FZD1: variants seen among roughly 807,000 people sequenced by gnomAD.
The protein encoded by FZD1 is frizzled class receptor 1.
In FZD1, 22 loss-of-function variants were observed where a neutral mutation model predicts 48.0. The ratio of observed to expected loss-of-function variants is 0.46; its 90% CI spans 0.33 to 0.65. The LOEUF (loss-of-function observed/expected upper bound fraction) is 0.65. Among genes scored for constraint, FZD1 ranks in the 30% least tolerant of loss-of-function variants. The probability of loss-of-function intolerance (pLI) is 0.02; values close to 1 mark genes in which losing one functional copy is unlikely to be tolerated. For missense variants in FZD1, 843 were observed against 898.1 expected (o/e 0.94, Z 0.78); for synonymous variants, 486 against 409.6 (o/e 1.19, Z -2.25).
At position 91,265,423 on chromosome 7, in the gene FZD1, G is replaced by A; in HGVS notation, c.543G>A (p.Glu181=). Residue 181 remains glutamate (E), a synonymous_variant, in exon 1 of 1, where the codon GAG becomes GAA. Transcript: ENST00000287934. This position sits in a 1 kb window ranked among gnomAD's most constrained non-coding sequence, Gnocchi z 6.9. ...ACGCGCCCGTGTGCACCGTGCTAGA[G>A]CAGGCGCTGCCGCCCTGCCGCTCCC... ...SMYAPVCTVL[E]QALPPCRSLC... is the part of the protein sequence containing the mutation. 6.2e-7 allele frequency: 1 copy of A among 1,613,674 alleles called. No individual in the cohort carries two copies. The highest frequency in any genetic ancestry group is 2.2e-5 in the East Asian group (1 of 44,846).
In FZD1 at chr7:91,264,778, GA is replaced by G; in HGVS notation, c.-102del. The stretch of plus-strand genomic sequence containing the variant: ...GGCCGAAAGCGGCTTGGGCTCGACG[GA>G]GGGCACCCGCGCAGAGGTCTCCCTG... On this transcript the variant is annotated 5_prime_UTR_variant, in exon 1 of 1. Transcript: ENST00000287934. 1.4e-6 allele frequency: 1 copy of G among 728,842 alleles called. No individual in the cohort carries two copies. Among genetic ancestry groups the G allele is most frequent in the Non-Finnish European group, 1.9e-6 (1 of 526,720 alleles). The allele number at this position is 728,842 out of a possible 1,614,324, so 45.1% of individuals were successfully genotyped here.
At position 91,265,575 on chromosome 7, in the gene FZD1, C is replaced by A. The variant is rs758313232; in HGVS notation, c.695C>A (p.Thr232Lys). The A allele has an allele frequency of 5.6e-6, 9 of 1,609,964 alleles. No homozygotes were observed. Among genetic ancestry groups the A allele is most frequent in the Non-Finnish European group, 7.6e-6 (9 of 1,179,556 alleles). The stretch of plus-strand genomic sequence containing the variant: ...GGCGAGCTGTGCGTGGGCCAGAACA[C>A]GTCCGACAAGGGCACCCCGACGCCC... ...GAGELCVGQN[T>K]SDKGTPTPSL... is the part of the protein sequence containing the mutation. Residue 232 changes from threonine to lysine, a missense_variant, in exon 1 of 1, where the codon ACG becomes AAG. Thr to Lys is a moderately conservative substitution (Grantham distance 78). Transcript: ENST00000287934. The surrounding 1 kb of genome is among the most constrained non-coding windows in gnomAD (Gnocchi z 6.9).
chr7:91,265,797 A>G lies in FZD1; in HGVS notation c.917A>G (p.Tyr306Cys), dbSNP rs1223388464. The G allele has an allele frequency of 1.2e-6, 2 of 1,613,330 alleles. No individual in the cohort carries two copies. Among genetic ancestry groups the G allele is most frequent in the East Asian group, 2.2e-5 (1 of 44,838 alleles). Residue 306 changes from tyrosine to cysteine, a missense_variant, in exon 1 of 1, where the codon TAT becomes TGT. Around this residue, in one of 2 missense-constraint regions of FZD1, gnomAD observed 490 missense variants for 466.5 expected, o/e 1.05. Coordinates refer to ENST00000287934, the MANE Select transcript of FZD1 (RefSeq NM_003505.2). The surrounding 1 kb of genome is among the most constrained non-coding windows in gnomAD (Gnocchi z 6.9). ...GCACCTTGTGAGCCGACCAAGGTGT[A>G]TGGGCTCATGTACTTCGGGCCCGAG... The part of the protein sequence containing the change: ...CGAPCEPTKV[Y>C]GLMYFGPEEL...
At position 91,267,049 on chromosome 7, in the gene FZD1, C is replaced by T. The variant is rs1803896438; in HGVS notation, c.*225C>T. 3 of 516,992 alleles carry T rather than the reference C, an allele frequency of 5.8e-6. No individual in the cohort carries two copies. Among genetic ancestry groups the T allele is most frequent in the Non-Finnish European group, 1.1e-5 (3 of 283,718 alleles). 32.0% of individuals were successfully genotyped at this position (516,992 alleles called of 1,614,324 possible). ...AGGGAGGATGGACAGACCTCTTGCC[C>T]TCACACTCTGGTACCAGGACTGTTC... On this transcript the variant is annotated 3_prime_UTR_variant, in exon 1 of 1. Transcript: ENST00000287934.
In FZD1 at chr7:91,266,368, C is replaced by A; in HGVS notation, c.1488C>A (p.Phe496Leu). The A allele has an allele frequency of 6.2e-7, 1 of 1,614,154 alleles. No individual in the cohort carries two copies. Among genetic ancestry groups the A allele is most frequent in the South Asian group, 1.1e-5 (1 of 91,090 alleles). ...GTGGCTTCGTGCTGGCGCCCCTCTT[C>A]GTGTACCTGTTTATCGGCACGTCCT... Reference protein sequence around the residue: ...ALRGFVLAPLFVYLFIGTSFL... With the variant: ...ALRGFVLAPLLVYLFIGTSFL... Residue 496 changes from phenylalanine to leucine, a missense_variant, in exon 1 of 1, where the codon TTC becomes TTA. Physicochemically the swap from Phe to Leu is conservative, Grantham distance 22 (BLOSUM62 0). This residue lies in a region of FZD1 where 353 missense variants were observed against 431.6 expected (regional missense o/e 0.82). Transcript: ENST00000287934. The surrounding 1 kb of genome is among the most constrained non-coding windows in gnomAD (Gnocchi z 6.8).
rs745960435 is a variant in FZD1 at position 91,268,481 on chromosome 7, G to A, written c.*1657G>A. On this transcript the variant is annotated 3_prime_UTR_variant, in exon 1 of 1. Coordinates refer to ENST00000287934, the MANE Select transcript of FZD1 (RefSeq NM_003505.2). ...GTTCTCTGTGAAGAAGAGGAGAAAAGCAATCCTCCTGATTGTATTGTTTTA... is the reference window on the plus strand; with the variant it reads ...GTTCTCTGTGAAGAAGAGGAGAAAAACAATCCTCCTGATTGTATTGTTTTA... The A allele has an allele frequency of 3.6e-5, 6 of 166,984 alleles. No individual in the cohort carries two copies. Among genetic ancestry groups the A allele is most frequent in the Non-Finnish European group, 8.8e-5 (6 of 68,100 alleles). The allele number at this position is 166,984 out of a possible 1,614,324, so 10.3% of individuals were successfully genotyped here. A position where few individuals can be genotyped will look rare whatever the true frequency, so the allele number is the denominator to read the frequency against.
Position 91,268,640 on chromosome 7 carries a change from A to G in FZD1, c.*1816A>G, listed in dbSNP as rs1416203118. 1 of 166,512 alleles carries G rather than the reference A, an allele frequency of 6.0e-6. No individual in the cohort carries two copies. The highest frequency in any genetic ancestry group is 1.5e-5 in the Non-Finnish European group (1 of 68,116). 10.3% of individuals were successfully genotyped at this position (166,512 alleles called of 1,614,324 possible). On this transcript the variant is annotated 3_prime_UTR_variant, in exon 1 of 1. Transcript: ENST00000287934. ...CACTATCACAAAATCATCTATATTT[A>G]TAGAGGAATAGAAGTTTATATATAT...
chr7:91,266,509 G>A lies in FZD1; in HGVS notation c.1629G>A (p.Leu543=). ...LMVRIGVFSV[L]YTVPATIVIA... ...TGCGCATTGGCGTCTTCAGCGTGCT[G>A]TACACTGTGCCAGCCACCATCGTCA... The change falls in exon 1 of 1, where the codon CTG becomes CTA. Residue 543 remains leucine (L), a synonymous_variant. Transcript: ENST00000287934. The surrounding 1 kb of genome is among the most constrained non-coding windows in gnomAD (Gnocchi z 6.8). The A allele has an allele frequency of 1.9e-6, 3 of 1,614,052 alleles. No homozygotes were observed. The South Asian group carries it at 3.3e-5, about 18-fold the overall frequency.
At position 91,264,987 on chromosome 7, in the gene FZD1, G is replaced by T; in HGVS notation, c.107G>T (p.Gly36Val). The change falls in exon 1 of 1, where the codon GGG becomes GTG. Residue 36 changes from glycine (G) to valine (V), a missense_variant. Around this residue, in one of 2 missense-constraint regions of FZD1, gnomAD observed 490 missense variants for 466.5 expected, o/e 1.05. Transcript: ENST00000287934. ...LSARLAEEGS[G>V]DAGGRRRPPV... The stretch of plus-strand genomic sequence containing the variant: ...GCCCGGCTGGCGGAGGAGGGCAGCG[G>T]GGACGCCGGTGGCCGCCGCCGCCCG... The T allele has an allele frequency of 7.2e-7, 1 of 1,398,412 alleles. No homozygotes were observed. Among genetic ancestry groups the T allele is most frequent in the Non-Finnish European group, 9.3e-7 (1 of 1,077,418 alleles). 86.6% of individuals were successfully genotyped at this position (1,398,412 alleles called of 1,614,324 possible).
chr7:91,265,213 G>C lies in FZD1; in HGVS notation c.333G>C (p.Pro111=), dbSNP rs150690083. Reference sequence around the variant, plus strand: ...ACGGCGAGCGGGGCATCTCCGTCCCGGACCACGGCTATTGCCAGCCCATCT... The same window carrying C: ...ACGGCGAGCGGGGCATCTCCGTCCCCGACCACGGCTATTGCCAGCCCATCT... ...QYNGERGISV[P]DHGYCQPISI... is the part of the protein sequence containing the mutation. The change falls in exon 1 of 1, where the codon CCG becomes CCC. Residue 111 remains proline, a synonymous_variant. Coordinates refer to ENST00000287934, the MANE Select transcript of FZD1 (RefSeq NM_003505.2). The surrounding 1 kb of genome is among the most constrained non-coding windows in gnomAD (Gnocchi z 6.9). 3,302 of 1,613,896 alleles carry C rather than the reference G, an allele frequency of 2.0e-3. 4 individuals carry two copies. The highest frequency in any genetic ancestry group is 2.6e-3 in the Non-Finnish European group (3,050 of 1,179,950).
In FZD1 at chr7:91,267,583, C is replaced by G. The variant is rs1225415623; in HGVS notation, c.*759C>G. 1.8e-5 allele frequency: 3 copies of G among 167,072 alleles called. No homozygotes were observed. Among genetic ancestry groups the G allele is most frequent in the Admixed American group, 6.5e-5 (1 of 15,292 alleles). The allele number at this position is 167,072 out of a possible 1,614,324, so 10.3% of individuals were successfully genotyped here. ...CGACTTCCTGAAGCTGGATTTTTAA[C>G]TGTCCAGAACTTTCCTCCAACTTCA... On this transcript the variant is annotated 3_prime_UTR_variant, in exon 1 of 1. Transcript: ENST00000287934.
chr7:91,265,061 C>T lies in FZD1; in HGVS notation c.181C>T (p.Leu61=). 1 of 1,383,260 alleles carries T rather than the reference C, an allele frequency of 7.2e-7. No individual in the cohort carries two copies. The highest frequency in any genetic ancestry group is 1.7e-5 in the South Asian group (1 of 60,484). The allele number at this position is 1,383,260 out of a possible 1,614,324, so 85.7% of individuals were successfully genotyped here. The part of the protein sequence containing the change: ...LARQLLLLLW[L]LEAPLLLGVR... ...GCGCCAGCTGCTGCTGCTGCTTTGG[C>T]TGCTGGAGGCTCCGCTGCTGCTGGG... The change falls in exon 1 of 1, where the codon CTG becomes TTG. Residue 61 remains leucine, a synonymous_variant. Transcript: ENST00000287934. The surrounding 1 kb of genome is among the most constrained non-coding windows in gnomAD (Gnocchi z 6.9).
rs375790061 is a variant in FZD1 at position 91,265,207 on chromosome 7, C to G, written c.327C>G (p.Ser109=). 6.2e-7 allele frequency: 1 copy of G among 1,613,700 alleles called. No homozygotes were observed. The highest frequency in any genetic ancestry group is 8.5e-7 in the Non-Finnish European group (1 of 1,179,946). ...GQQYNGERGI[S]VPDHGYCQPI... ...AGTACAACGGCGAGCGGGGCATCTC[C>G]GTCCCGGACCACGGCTATTGCCAGC... Residue 109 remains serine, a synonymous_variant, in exon 1 of 1, where the codon TCC becomes TCG. Transcript: ENST00000287934. This position sits in a 1 kb window ranked among gnomAD's most constrained non-coding sequence, Gnocchi z 6.9.
In FZD1 at chr7:91,264,773, C is replaced by T; in HGVS notation, c.-108C>T. On this transcript the variant is annotated 5_prime_UTR_variant, in exon 1 of 1. Coordinates refer to ENST00000287934, the MANE Select transcript of FZD1 (RefSeq NM_003505.2). The stretch of plus-strand genomic sequence containing the variant: ...GAGCGGGCCGAAAGCGGCTTGGGCT[C>T]GACGGAGGGCACCCGCGCAGAGGTC... The T allele has an allele frequency of 2.9e-6, 2 of 687,488 alleles. No homozygotes were observed. The highest frequency in any genetic ancestry group is 3.5e-5 in the East Asian group (1 of 28,856). The allele number at this position is 687,488 out of a possible 1,614,324, so 42.6% of individuals were successfully genotyped here. A position where few individuals can be genotyped will look rare whatever the true frequency, so the allele number is the denominator to read the frequency against.
At position 91,266,945 on chromosome 7, in the gene FZD1, C is replaced by T; in HGVS notation, c.*121C>T. The T allele has an allele frequency of 1.5e-6, 1 of 685,302 alleles. No homozygotes were observed. Among genetic ancestry groups the T allele is most frequent in the Non-Finnish European group, 2.6e-6 (1 of 391,292 alleles). 42.5% of individuals were successfully genotyped at this position (685,302 alleles called of 1,614,324 possible). On this transcript the variant is annotated 3_prime_UTR_variant, in exon 1 of 1. Coordinates refer to ENST00000287934, the MANE Select transcript of FZD1 (RefSeq NM_003505.2). The surrounding 1 kb of genome is among the most constrained non-coding windows in gnomAD (Gnocchi z 6.8). ...GTTTCCTCACTAGACAACTCTCTTT[C>T]GCAGGCTCCTTTGAACAACTCAGCT... is the stretch of plus-strand genomic sequence containing the variant.
At position 91,265,590 on chromosome 7, in the gene FZD1, C is replaced by A. The variant is rs1315337038; in HGVS notation, c.710C>A (p.Thr237Asn). Residue 237 changes from threonine to asparagine, a missense_variant, in exon 1 of 1, where the codon ACC becomes AAC. This residue lies in a region of FZD1 where 490 missense variants were observed against 466.5 expected (regional missense o/e 1.05). Transcript: ENST00000287934. This position sits in a 1 kb window ranked among gnomAD's most constrained non-coding sequence, Gnocchi z 6.9. ...CVGQNTSDKG[T>N]PTPSLLPEFW... ...GGCCAGAACACGTCCGACAAGGGCA[C>A]CCCGACGCCCTCGCTGCTTCCAGAG... 3 of 1,608,922 alleles carry A rather than the reference C, an allele frequency of 1.9e-6. No homozygotes were observed. Among genetic ancestry groups the A allele is most frequent in the Middle Eastern group, 3.3e-4 (2 of 6,058 alleles).
chr7:91,266,745 G>A lies in FZD1; in HGVS notation c.1865G>A (p.Trp622Ter). Residue 622 changes from tryptophan (W) to a stop codon, truncating the protein, a stop_gained, in exon 1 of 1, where the codon TGG becomes TAG. Transcript: ENST00000287934. LOFTEE classifies it high-confidence loss of function. The surrounding 1 kb of genome is among the most constrained non-coding windows in gnomAD (Gnocchi z 6.8). ...IVGITSGFWIWSGKTLNSWRK... is the reference protein window; with the variant it reads ...IVGITSGFWI ...GGCATCACGTCGGGCTTCTGGATCT[G>A]GTCCGGCAAGACCCTCAACTCCTGG... is the stretch of plus-strand genomic sequence containing the variant. 6.2e-7 allele frequency: 1 copy of A among 1,613,522 alleles called. No individual in the cohort carries two copies. The highest frequency in any genetic ancestry group is 8.5e-7 in the Non-Finnish European group (1 of 1,179,766).
rs200075522 is a variant in FZD1 at position 91,266,380 on chromosome 7, T to C, written c.1500T>C (p.Phe500=). 475 of 1,614,014 alleles carry C rather than the reference T, an allele frequency of 2.9e-4. 2 individuals are homozygous for C. The highest frequency in any genetic ancestry group is 1.7e-4 in the Admixed American group (10 of 60,010). The change falls in exon 1 of 1, where the codon TTT becomes TTC. Residue 500 remains phenylalanine, a synonymous_variant. Transcript: ENST00000287934. This position sits in a 1 kb window ranked among gnomAD's most constrained non-coding sequence, Gnocchi z 6.8. ...TGGCGCCCCTCTTCGTGTACCTGTT[T>C]ATCGGCACGTCCTTTCTGCTGGCCG... ...FVLAPLFVYL[F]IGTSFLLAGF...
In FZD1 at chr7:91,266,262, C is replaced by G; in HGVS notation, c.1382C>G (p.Thr461Ser). The G allele has an allele frequency of 6.2e-7, 1 of 1,614,182 alleles. No individual in the cohort carries two copies. The highest frequency in any genetic ancestry group is 1.1e-5 in the South Asian group (1 of 91,078). ...AWAVPAIKTITILALGQVDGD... is the reference protein window; with the variant it reads ...AWAVPAIKTISILALGQVDGD... The stretch of plus-strand genomic sequence containing the variant: ...GCTGTGCCGGCCATCAAGACCATCA[C>G]CATCCTGGCGCTGGGCCAGGTGGAC... The change falls in exon 1 of 1, where the codon ACC becomes AGC. Residue 461 changes from threonine to serine, a missense_variant. This residue lies in a region of FZD1 where 353 missense variants were observed against 431.6 expected (regional missense o/e 0.82). Transcript: ENST00000287934. The surrounding 1 kb of genome is among the most constrained non-coding windows in gnomAD (Gnocchi z 6.8).
Sources: allele counts gnomAD v4.1 joint callset, GRCh38; gene constraint gnomAD v4.1.1; regional missense constraint gnomAD v4.1.1; non-coding constraint Gnocchi (gnomAD v3.1); transcripts MANE v1.5; gene names NCBI Gene and HGNC (gene_info 2026-07-23, HGNC 2026-07-21).